CTNNA3: variants seen among roughly 807,000 people sequenced by gnomAD.
CTNNA3 encodes the protein catenin alpha-3.
CTNNA3 carries 76 observed loss-of-function variants against 95.7 expected under a neutral mutation model. The observed-to-expected ratio is 0.79, with a 90% CI of 0.66 to 0.96. The LOEUF is 0.96. CTNNA3 is among the 40% of genes least tolerant of loss of function. CTNNA3 has a pLI of 0.00. For missense variants in CTNNA3, 1,191 were observed against 1,089.8 expected (o/e 1.09, Z -1.31); for synonymous variants, 431 against 374.4 (o/e 1.15, Z -1.74).
At chr10:66,431,901 A>AAT (rs1304751196) in intron 11 of CTNNA3, among the ~76,000 whole-genome samples, 1 of 151,950 alleles carries the variant, frequency 6.6e-6, no homozygotes, top group South Asian at 2.1e-4. Context: ...GTATAATAAA[A>AAT]ATATATATAT....
At chr10:67,487,246 C>A (rs77745803) in intron 5 of CTNNA3, among the ~76,000 whole-genome samples, 2,593 of 152,320 alleles carry the variant, frequency 0.017, 77 homozygotes, top group African/African-American at 0.057. Flanking sequence ...TCATCCAAGG[C>A]ATAACTGTTA....
chr10:67,525,262 G>A (rs1233873713), intron 4 of CTNNA3, among the ~76,000 whole-genome samples: 1 of 151,660 alleles, frequency 6.6e-6, no homozygotes, highest in Admixed American at 6.6e-5. Flanking sequence ...AGAATGGGTA[G>A]AGGAAAACAA....
At chr10:66,690,039 T>G (rs1329048541) in intron 9 of CTNNA3, among the ~76,000 whole-genome samples, 1 of 152,088 alleles carries the variant, frequency 6.6e-6, no homozygotes, top group African/African-American at 2.4e-5. Flanking sequence ...ACAAAGCTGA[T>G]GAGTATTAGG....
intron 7 of CTNNA3, among the ~76,000 whole-genome samples, chr10:66,958,470 T>A (rs55998014): frequency 0.81 from 120,559 of 149,644 alleles, 48,023 homozygotes; most frequent in South Asian, 0.92. Flanking sequence ...CTTTTTTTTT[T>A]AAAAAAAATA....
chr10:67,165,446 GT>G (rs753847708), intron 7 of CTNNA3, among the ~76,000 whole-genome samples: 6 of 152,064 alleles, frequency 3.9e-5, no homozygotes, highest in Non-Finnish European at 7.4e-5. Flanking sequence ...TTTCTGTATC[GT>G]TTTTGTGTTG....
intron 9 of CTNNA3, among the ~76,000 whole-genome samples, chr10:66,765,198 A>C: frequency 6.6e-6 from 1 of 151,610 alleles, no homozygotes; most frequent in African/African-American, 2.4e-5. Flanking sequence ...TGCATTGGAA[A>C]CCTCCTCCCC....
intron 17 of CTNNA3, among the ~76,000 whole-genome samples, chr10:65,927,403 C>A (rs1382846170): frequency 6.6e-6 from 1 of 152,172 alleles, no homozygotes; most frequent in Non-Finnish European, 1.5e-5. Context: ...AGTATTGTTA[C>A]ATCAGTGTTC....
intron 17 of CTNNA3, among the ~76,000 whole-genome samples, chr10:65,935,035 C>T (rs1461048559): frequency 1.3e-5 from 2 of 152,086 alleles, no homozygotes; most frequent in East Asian, 1.9e-4. Flanking sequence ...CCTATTCACT[C>T]CCATGAGCAG....
intron 13 of CTNNA3, among the ~76,000 whole-genome samples, chr10:66,239,721 GT>G (rs1175496389): frequency 6.6e-6 from 1 of 151,768 alleles, no homozygotes. Context: ...CTGGTTTGTT[GT>G]TTTTTTCGTA....
intron 5 of CTNNA3, among the ~76,000 whole-genome samples, chr10:67,344,243 A>G (rs188203904): frequency 4.1e-4 from 62 of 151,890 alleles, no homozygotes; most frequent in African/African-American, 1.5e-3. Context: ...GTTTGCTAGT[A>G]TTTTGTTGAG....
chr10:67,379,867 A>G (rs1843858218), intron 5 of CTNNA3, among the ~76,000 whole-genome samples: 1 of 151,690 alleles, frequency 6.6e-6, no homozygotes, highest in Non-Finnish European at 1.5e-5. Flanking sequence ...TAAAAATACA[A>G]AAAATTAGCC....
intron 5 of CTNNA3, among the ~76,000 whole-genome samples, chr10:67,230,408 A>C (rs956550235): frequency 1.3e-5 from 2 of 152,220 alleles, no homozygotes; most frequent in African/African-American, 4.8e-5. Context: ...TTTCATCACC[A>C]AGAACCCAAA....
chr10:67,655,769 C>A (rs538975425), intron 1 of CTNNA3, among the ~76,000 whole-genome samples: 1 of 137,118 alleles, frequency 7.3e-6, no homozygotes, highest in East Asian at 2.1e-4. Context: ...TGAAACAGAG[C>A]GAGACTCCGT....
chr10:66,885,614 T>C (rs1291925200), intron 7 of CTNNA3, among the ~76,000 whole-genome samples: 2 of 151,944 alleles, frequency 1.3e-5, no homozygotes, highest in African/African-American at 4.8e-5. Context: ...GTAAATCACC[T>C]CCCCAGGTAA....
chr10:66,091,913 T>C (rs1352813125), intron 14 of CTNNA3, among the ~76,000 whole-genome samples: 3 of 152,030 alleles, frequency 2.0e-5, no homozygotes, highest in African/African-American at 7.2e-5. Flanking sequence ...TATAAAGCTA[T>C]GCATATAAGA....
intron 11 of CTNNA3, among the ~76,000 whole-genome samples, chr10:66,387,196 A>T (rs1163855636): frequency 6.6e-6 from 1 of 152,142 alleles, no homozygotes; most frequent in Non-Finnish European, 1.5e-5. Flanking sequence ...CAATCTACCT[A>T]TCTGACAAAG....
chr10:65,928,798 C>T (rs2077205720), intron 17 of CTNNA3, among the ~76,000 whole-genome samples: 1 of 152,146 alleles, frequency 6.6e-6, no homozygotes, highest in Non-Finnish European at 1.5e-5. Flanking sequence ...ATGTTTAAAA[C>T]TCAGAATGCA....
At chr10:66,804,151 T>C (rs536972401) in intron 7 of CTNNA3, among the ~76,000 whole-genome samples, 1 of 152,150 alleles carries the variant, frequency 6.6e-6, no homozygotes, top group East Asian at 1.9e-4. Context: ...TATCTGTCTG[T>C]GGTTCACCCC....
At chr10:65,971,770 C>CA (rs1350976732) in intron 16 of CTNNA3, among the ~76,000 whole-genome samples, 3 of 151,788 alleles carry the variant, frequency 2.0e-5, no homozygotes, top group Non-Finnish European at 4.4e-5. Flanking sequence ...GAAACTATTC[C>CA]AAAAAATGGA....
Sources: allele counts gnomAD v4.1 joint callset (sites outside exome capture counted in the v4.1 genomes callset), GRCh38; gene constraint gnomAD v4.1.1; transcripts MANE v1.5; gene names NCBI Gene and HGNC (gene_info 2026-07-23, HGNC 2026-07-21).